ARIH2: variants seen among roughly 807,000 people sequenced by gnomAD.
ARIH2 encodes E3 ubiquitin-protein ligase ARIH2.
In ARIH2, 12 loss-of-function variants were observed where a neutral mutation model predicts 79.8. The ratio of observed to expected loss-of-function variants is 0.15; its 90% confidence interval spans 0.10 to 0.24. The LOEUF is 0.24. Among genes scored for constraint, ARIH2 ranks in the 10% least tolerant of loss-of-function variants. The pLI, the probability that ARIH2 is intolerant of heterozygous loss-of-function variation, is 1.00. For missense variants in ARIH2, 301 were observed against 618.3 expected (o/e 0.49, Z 5.44); for synonymous variants, 224 against 213.9 (o/e 1.05, Z -0.41).
At chr3:48,929,753 A>G (rs1172122052) in intron 3 of ARIH2, among the ~76,000 whole-genome samples, 1 of 152,172 alleles carries the variant, frequency 6.6e-6, no homozygotes, top group Non-Finnish European at 1.5e-5. Context: ...TACAGTAGGT[A>G]TTGAATAATT....
At chr3:48,937,027 CAA>C (rs1205479787) in intron 3 of ARIH2, among the ~76,000 whole-genome samples, 1 of 136,884 alleles carries the variant, frequency 7.3e-6, no homozygotes, top group Non-Finnish European at 1.6e-5. Flanking sequence ...GACTCCGTCT[CAA>C]AAAAAAAAAC....
chr3:48,981,497 T>C (rs555793915), intron 13 of ARIH2, among the ~76,000 whole-genome samples, 163 bp from the exon 14 acceptor site: 2 of 152,286 alleles, frequency 1.3e-5, no homozygotes, highest in African/African-American at 4.8e-5. Flanking sequence ...CCTCATGTCT[T>C]TTCCCAATTC....
rs2091287598 is a variant in ARIH2, at chr3:48,961,740, T to G, written c.323+61T>G. On this transcript the variant is annotated intron_variant, in intron 4 of 15. Transcript: ENST00000356401. ...ATAGCTCCCCTCTCCGTGGTGATTATTGTTTACATTTTGGACCATATTCGA... is the reference window on the plus strand; with the variant it reads ...ATAGCTCCCCTCTCCGTGGTGATTAGTGTTTACATTTTGGACCATATTCGA... 6 of 1,135,974 alleles carry G rather than the reference T, an allele frequency of 5.3e-6. No individual in the cohort carries two copies. In the Admixed American group the frequency reaches 1.1e-4, roughly 20 times the overall value. 70.4% of individuals were successfully genotyped at this position (1,135,974 alleles called of 1,614,324 possible). A position where few individuals can be genotyped will look rare whatever the true frequency, so the allele number is the denominator to read the frequency against.
Position 48,982,925 on chromosome 3 carries a change from T to C in ARIH2, c.1356T>C (p.Ala452=). The change falls in exon 15 of 16, where the codon GCT becomes GCC. Residue 452 remains alanine (A), a synonymous_variant. Transcript: ENST00000356401. Reference sequence around the variant, plus strand: ...AATACCAGCAGGCTCAGCTGGAGGCTGAGATCGAAAACCTCTCATGGAAAG... The same window carrying C: ...AATACCAGCAGGCTCAGCTGGAGGCCGAGATCGAAAACCTCTCATGGAAAG... The part of the protein sequence containing the change: ...LFEYQQAQLE[A]EIENLSWKVE... The C allele has an allele frequency of 6.2e-7, 1 of 1,614,212 alleles. No homozygotes were observed. The highest frequency in any genetic ancestry group is 8.5e-7 in the Non-Finnish European group (1 of 1,180,026).
intron 3 of ARIH2, among the ~76,000 whole-genome samples, chr3:48,938,069 G>A (rs2087441522): frequency 6.6e-6 from 1 of 150,890 alleles, no homozygotes; most frequent in Non-Finnish European, 1.5e-5. Flanking sequence ...AAAAAAATGG[G>A]TTCTATGTCC....
At chr3:48,927,930 TAA>T (rs1318784969) in intron 3 of ARIH2, 117 bp downstream of exon 3, 3 of 1,234,382 alleles carry the variant, frequency 2.4e-6, no homozygotes, top group Non-Finnish European at 3.4e-6. Flanking sequence ...AAACCAAATT[TAA>T]GTGTATGTCA....
intron 3 of ARIH2, among the ~76,000 whole-genome samples, chr3:48,937,009 C>T (rs1174028095): frequency 2.6e-5 from 4 of 151,884 alleles, no homozygotes; most frequent in Non-Finnish European, 5.9e-5. Flanking sequence ...GCCTGGGCAA[C>T]ACAGCGAGAC....
chr3:48,983,233 G>A lies in ARIH2; in HGVS notation c.1445G>A (p.Arg482Gln), dbSNP rs749150125. ...AACCAGATGCATATAGCGGAGCAGC[G>A]GAGGAGAACCCTGCTGAAAGATTTC... Reference protein sequence around the residue: ...LENQMHIAEQRRRTLLKDFHD... With the variant: ...LENQMHIAEQQRRTLLKDFHD... The change falls in exon 16 of 16, where the codon CGG becomes CAG. Residue 482 changes from arginine to glutamine, a missense_variant. By Grantham distance (43) the Arg-to-Gln change is conservative. Transcript: ENST00000356401. The A allele has an allele frequency of 2.5e-6, 4 of 1,614,204 alleles. No individual in the cohort carries two copies. The highest frequency in any genetic ancestry group is 2.2e-5 in the South Asian group (2 of 91,084).
In ARIH2 at chr3:48,954,232, G is replaced by A. The variant is rs2107444911; in HGVS notation, c.256-7380G>A. ...GCACTTTGGGAGGCCGAGGCAGGCG[G>A]ATCACAAGGTCAGGAGATCGAGACC... is the stretch of plus-strand genomic sequence containing the variant. On this transcript the variant is annotated intron_variant, in intron 3 of 15. Transcript: ENST00000356401. 2.6e-5 allele frequency among the ~76,000 whole-genome samples: 4 copies of A among 152,134 alleles called. 1 individual carries two copies. The South Asian group carries it at 8.3e-4, about 32-fold the overall frequency.
At chr3:48,951,313 G>GT (rs888750883) in intron 3 of ARIH2, among the ~76,000 whole-genome samples, 1 of 151,628 alleles carries the variant, frequency 6.6e-6, no homozygotes, top group African/African-American at 2.4e-5. Flanking sequence ...ATTTATTAGT[G>GT]TTTTTTTTCC....
chr3:48,978,464 T>C (rs1267739136), intron 11 of ARIH2, among the ~76,000 whole-genome samples: 10 of 83,698 alleles, frequency 1.2e-4, no homozygotes, highest in African/African-American at 5.2e-4. Context: ...TGTGTGTGTG[T>C]GTATATATAT....
chr3:48,927,557 A>C lies in ARIH2; in HGVS notation c.-2A>C, dbSNP rs2085801457. The C allele has an allele frequency of 1.2e-6, 2 of 1,612,812 alleles. No homozygotes were observed. The highest frequency in any genetic ancestry group is 1.3e-5 in the African/African-American group (1 of 74,778). Reference sequence around the variant, plus strand: ...TGATCTGCAACTTGGCTGGATGCTAAGATGTCAGTGGACATGAATAGCCAG... The same window carrying C: ...TGATCTGCAACTTGGCTGGATGCTACGATGTCAGTGGACATGAATAGCCAG... On this transcript the variant is annotated 5_prime_UTR_variant, in exon 3 of 16. Coordinates refer to ENST00000356401, the MANE Select transcript of ARIH2 (RefSeq NM_006321.4).
At chr3:48,926,267 A>ATGTG (rs2085589228) in intron 2 of ARIH2, among the ~76,000 whole-genome samples, 1 of 145,114 alleles carries the variant, frequency 6.9e-6, no homozygotes, top group African/African-American at 2.6e-5. Context: ...GTGTGTGTGT[A>ATGTG]TGTGTGTACG....
At chr3:48,945,635 G>A (rs915354357) in intron 3 of ARIH2, among the ~76,000 whole-genome samples, 2 of 152,104 alleles carry the variant, frequency 1.3e-5, no homozygotes, top group East Asian at 3.8e-4. Flanking sequence ...GTTCTTTGTG[G>A]TCAGGGGACT....
At position 48,983,388 on chromosome 3, in the gene ARIH2, C is replaced by A; in HGVS notation, c.*118C>A. 1 of 877,340 alleles carries A rather than the reference C, an allele frequency of 1.1e-6. No individual in the cohort carries two copies. The highest frequency in any genetic ancestry group is 1.9e-6 in the Non-Finnish European group (1 of 531,820). 54.3% of individuals were successfully genotyped at this position (877,340 alleles called of 1,614,324 possible). ...CCAGGCAACAGCCAGGGCCCCACTC[C>A]TGAGAGACACTGGCAACACCTCTTA... On this transcript the variant is annotated 3_prime_UTR_variant, in exon 16 of 16. Transcript: ENST00000356401.
intron 3 of ARIH2, among the ~76,000 whole-genome samples, chr3:48,958,340 CTG>C (rs1203964991): frequency 6.6e-6 from 1 of 152,110 alleles, no homozygotes; most frequent in Non-Finnish European, 1.5e-5. Context: ...GAACAAAAAA[CTG>C]TTGTGCTTAT....
chr3:48,973,695 T>G lies in ARIH2; in HGVS notation c.771-4T>G, dbSNP rs1227275816. 6.2e-7 allele frequency: 1 copy of G among 1,608,448 alleles called. No homozygotes were observed. Among genetic ancestry groups the G allele is most frequent in the East Asian group, 2.2e-5 (1 of 44,840 alleles). ...TTTGAATGTTTTTCTTTTCCAATTT[T>G]AAGTTTCAAGTGTCGTCAGATGTAT... On this transcript the variant is annotated splice_region_variant and splice_polypyrimidine_tract_variant and intron_variant, in intron 8 of 15. Coordinates refer to ENST00000356401, the MANE Select transcript of ARIH2 (RefSeq NM_006321.4).
intron 5 of ARIH2, among the ~76,000 whole-genome samples, chr3:48,965,965 A>AG (rs1485780507): frequency 6.6e-6 from 1 of 151,288 alleles, no homozygotes; most frequent in East Asian, 1.9e-4. Flanking sequence ...CATCAGAAGA[A>AG]AAAAAAAATC....
At chr3:48,931,964 G>A (rs1479483455) in intron 3 of ARIH2, among the ~76,000 whole-genome samples, 5 of 152,198 alleles carry the variant, frequency 3.3e-5, no homozygotes, top group Non-Finnish European at 5.9e-5. Flanking sequence ...AGCTGAGATC[G>A]TGTCACTGTA....
Sources: gnomAD v4.1 joint callset for allele counts (sites outside exome capture counted in the v4.1 genomes callset) on GRCh38, gnomAD v4.1.1 for gene constraint, MANE v1.5 for transcripts, NCBI Gene and HGNC (gene_info 2026-07-23, HGNC 2026-07-21) for gene names.